KCNMA1: variants seen among roughly 807,000 people sequenced by gnomAD.
KCNMA1 encodes potassium calcium-activated channel subfamily M alpha 1, also known as Calcium-activated potassium channel subunit alpha-1.
KCNMA1 carries 29 observed loss-of-function variants against 140.0 expected under a neutral mutation model. The ratio of observed to expected loss-of-function variants is 0.21; its 90% confidence interval spans 0.15 to 0.28. KCNMA1 has a LOEUF of 0.28. KCNMA1 is among the 10% of genes least tolerant of loss of function. The probability of loss-of-function intolerance (pLI) is 1.00; values close to 1 mark genes in which losing one functional copy is unlikely to be tolerated. For synonymous variants in KCNMA1, 612 were observed against 611.9 expected, an observed-to-expected ratio of 1.00 and a Z score of 0.00; for missense variants, 880 against 1,602.2, an observed-to-expected ratio of 0.55 and a Z score of 7.70.
chr10:77,091,442 G>A (rs969911384), intron 9 of KCNMA1: 1 of 152,212 alleles, frequency 6.6e-6, no homozygotes, highest in Non-Finnish European at 1.5e-5. Context: ...GCAATGTCAT[G>A]GCCACTTATA....
At chr10:77,406,851 A>G (rs1047034662) in intron 1 of KCNMA1, among the ~76,000 whole-genome samples, 1 of 152,062 alleles carries the variant, frequency 6.6e-6, no homozygotes, top group African/African-American at 2.4e-5. Flanking sequence ...CCACGTGGGG[A>G]CCTGGAAGAT....
chr10:77,133,528 A>G (rs1188426844), intron 5 of KCNMA1, among the ~76,000 whole-genome samples: 2 of 151,712 alleles, frequency 1.3e-5, no homozygotes, highest in African/African-American at 4.8e-5. Flanking sequence ...GCAAAAAGTT[A>G]TATAAAAATT....
chr10:77,224,736 A>G (rs890617056), intron 3 of KCNMA1, among the ~76,000 whole-genome samples: 1 of 152,152 alleles, frequency 6.6e-6, no homozygotes, highest in Non-Finnish European at 1.5e-5. Flanking sequence ...GGTGTCACCC[A>G]TTCCCTATGT....
chr10:77,268,071 C>A (rs528358699), intron 2 of KCNMA1, among the ~76,000 whole-genome samples: 18 of 152,270 alleles, frequency 1.2e-4, no homozygotes, highest in Non-Finnish European at 2.1e-4. Flanking sequence ...CTCACAAGTG[C>A]CCTGAGTAGA....
chr10:77,299,742 T>A (rs1416922702), intron 2 of KCNMA1, among the ~76,000 whole-genome samples: 1 of 152,142 alleles, frequency 6.6e-6, no homozygotes, highest in Non-Finnish European at 1.5e-5. Context: ...AAGGTCCTGT[T>A]CAGCCTACAC....
chr10:77,221,876 A>G (rs775996299), intron 3 of KCNMA1, among the ~76,000 whole-genome samples: 49 of 152,178 alleles, frequency 3.2e-4, no homozygotes, highest in Non-Finnish European at 5.9e-4. Context: ...TATGATGCAG[A>G]GTGAGACAGC....
intron 2 of KCNMA1, among the ~76,000 whole-genome samples, chr10:77,265,332 G>A (rs190333395): frequency 3.0e-4 from 45 of 152,280 alleles, no homozygotes; most frequent in African/African-American, 1.0e-3. Flanking sequence ...GATTACAGGC[G>A]TGAGCCACTG....
intron 20 of KCNMA1, among the ~76,000 whole-genome samples, chr10:76,965,921 C>T (rs1384127902): frequency 6.6e-6 from 1 of 152,180 alleles, no homozygotes; most frequent in Non-Finnish European, 1.5e-5. Context: ...CCTCCCAAAC[C>T]AGAGGTAATG....
intron 3 of KCNMA1, among the ~76,000 whole-genome samples, chr10:77,196,463 G>T (rs905700522): frequency 5.3e-5 from 8 of 152,126 alleles, no homozygotes; most frequent in Non-Finnish European, 1.2e-4. Flanking sequence ...TTACATTTAA[G>T]CTCCTTTCAA....
At chr10:77,404,094 G>T in intron 1 of KCNMA1, 71 bp from the exon 2 acceptor site, 1 of 1,532,776 alleles carries the variant, frequency 6.5e-7, no homozygotes, top group South Asian at 1.1e-5. Flanking sequence ...TACCCATAAA[G>T]AACCAGAGCC....
chr10:76,940,168 C>T (rs1484363630), intron 23 of KCNMA1, among the ~76,000 whole-genome samples: 3 of 152,170 alleles, frequency 2.0e-5, no homozygotes, highest in Non-Finnish European at 4.4e-5. Context: ...TCGGATATAC[C>T]ATCTGGCTTG....
At chr10:77,091,728 T>A (rs1391811929) in intron 9 of KCNMA1, 1 of 152,238 alleles carries the variant, frequency 6.6e-6, no homozygotes, top group Admixed American at 6.5e-5. Context: ...CACTTCATAA[T>A]TGCTCTGTGC....
intron 18 of KCNMA1, among the ~76,000 whole-genome samples, chr10:77,010,821 C>A (rs900787990): frequency 3.3e-5 from 5 of 151,794 alleles, no homozygotes; most frequent in Admixed American, 1.3e-4. Flanking sequence ...TGCTTGTGAA[C>A]AAGGATTTTA....
intron 1 of KCNMA1, chr10:77,635,846 AAAT>A (rs2093674790): frequency 6.5e-6 from 1 of 153,318 alleles, no homozygotes; most frequent in East Asian, 1.9e-4. Context: ...TCCAAAACAC[AAAT>A]GTGCTGCCAC....
intron 20 of KCNMA1, among the ~76,000 whole-genome samples, chr10:76,961,015 C>A (rs1485773540): frequency 6.6e-6 from 1 of 151,692 alleles, no homozygotes; most frequent in Non-Finnish European, 1.5e-5. Flanking sequence ...TTCTGTAGCC[C>A]ATGGATCAAG....
At chr10:76,952,295 C>T (rs553865157) in intron 21 of KCNMA1, 17 of 898,636 alleles carry the variant, frequency 1.9e-5, no homozygotes, top group African/African-American at 5.1e-5. Flanking sequence ...CCAAGGTTGG[C>T]GGATCATGAG....
intron 5 of KCNMA1, among the ~76,000 whole-genome samples, chr10:77,166,532 G>A (rs922407646): frequency 6.6e-6 from 1 of 151,888 alleles, no homozygotes; most frequent in African/African-American, 2.4e-5. Flanking sequence ...AAGTCGCTAT[G>A]GCCAAAAATG....
At chr10:76,937,942 T>A (rs1487467971) in intron 23 of KCNMA1, among the ~76,000 whole-genome samples, 2 of 151,956 alleles carry the variant, frequency 1.3e-5, no homozygotes, top group Non-Finnish European at 2.9e-5. Context: ...TGTGTGTGTG[T>A]GTCTGTGTGT....
chr10:77,560,925 C>G (rs1427391173), intron 1 of KCNMA1, among the ~76,000 whole-genome samples: 1 of 152,228 alleles, frequency 6.6e-6, no homozygotes, highest in Non-Finnish European at 1.5e-5. Flanking sequence ...GCAGATGCTT[C>G]TGCTCTTTAG....
Sources: allele counts gnomAD v4.1 joint callset (sites outside exome capture counted in the v4.1 genomes callset), GRCh38; gene constraint gnomAD v4.1.1; transcripts MANE v1.5; gene names NCBI Gene and HGNC (gene_info 2026-07-23, HGNC 2026-07-21).